Variants in FAM111B observed in about 807,000 individuals in gnomAD.
FAM111B encodes serine protease FAM111B.
FAM111B carries 1 observed loss-of-function variant against 2.8 expected under a neutral mutation model. The observed-to-expected ratio is 0.36, with a 90% CI of 0.13 to 1.70. The LOEUF is 1.70. Among genes scored for constraint, FAM111B ranks in the 40% most tolerant of loss-of-function variants. FAM111B has a pLI of 0.35. For missense variants in FAM111B, 882 were observed against 878.9 expected (o/e 1.00, Z -0.04); for synonymous variants, 297 against 295.6 (o/e 1.00, Z -0.05).
chr11:59,125,288 C>T lies in FAM111B; in HGVS notation c.1191C>T (p.Ala397=), dbSNP rs1439453564. 2.5e-6 allele frequency: 4 copies of T among 1,613,720 alleles called. No individual in the cohort carries two copies. Among genetic ancestry groups the T allele is most frequent in the Middle Eastern group, 3.3e-4 (2 of 6,082 alleles). The change falls in exon 4 of 4, where the codon GCC becomes GCT. Residue 397 remains alanine (A), a synonymous_variant. Coordinates refer to ENST00000343597, the MANE Select transcript of FAM111B (RefSeq NM_198947.4). ...AGAATTATCAAACGTTGAATGAAGC[C>T]ATAATGCATCAGTATCCGAATTTTA... The part of the protein sequence containing the change: ...LLKNYQTLNE[A]IMHQYPNFKE...
At position 59,125,701 on chromosome 11, in the gene FAM111B, G is replaced by A; in HGVS notation, c.1604G>A (p.Trp535Ter). The A allele has an allele frequency of 6.2e-7, 1 of 1,613,782 alleles. No individual in the cohort carries two copies. ...GACAATTGGTTTTCCATTGAGCCAT[G>A]GCTTAAAGTGTCCAATGAAAATCTA... ...TPDNWFSIEP[W>*]LKVSNENLDY... is the part of the protein sequence containing the mutation. The change falls in exon 4 of 4, where the codon TGG (tryptophan) becomes TAG (stop). Residue 535 changes from tryptophan to a stop codon, truncating the protein, a stop_gained. Coordinates refer to ENST00000343597, the MANE Select transcript of FAM111B (RefSeq NM_198947.4). LOFTEE classifies it low-confidence loss of function (END_TRUNC).
chr11:59,126,830 G>T lies in FAM111B; in HGVS notation c.*528G>T, dbSNP rs2154626. On this transcript the variant is annotated 3_prime_UTR_variant, in exon 4 of 4. Coordinates refer to ENST00000343597, the MANE Select transcript of FAM111B (RefSeq NM_198947.4). ...AGTTCAGCCATTGTGGAAAGCAGTTGGGTGATTTCTAAAAGAACTTAAAAC... is the reference window on the plus strand; with the variant it reads ...AGTTCAGCCATTGTGGAAAGCAGTTTGGTGATTTCTAAAAGAACTTAAAAC... 0.052 allele frequency: 8,291 copies of T among 160,348 alleles called. 563 individuals carry two copies. The highest frequency in any genetic ancestry group is 0.2 in the East Asian group (1,015 of 5,180). 9.9% of individuals were successfully genotyped at this position (160,348 alleles called of 1,614,324 possible). A position where few individuals can be genotyped will look rare whatever the true frequency, so the allele number is the denominator to read the frequency against.
intron 3 of FAM111B, among the ~76,000 whole-genome samples, chr11:59,123,225 A>G (rs2135402949): frequency 6.6e-6 from 1 of 152,346 alleles, no homozygotes; most frequent in Non-Finnish European, 1.5e-5. Context: ...GATCTTTCAA[A>G]TATCTAAAAG....
intron 3 of FAM111B, among the ~76,000 whole-genome samples, chr11:59,116,396 T>C (rs1859841329): frequency 6.6e-6 from 1 of 152,282 alleles, no homozygotes; most frequent in South Asian, 2.1e-4. Flanking sequence ...TCCAATAATT[T>C]ATTCTAATTT....
chr11:59,116,874 C>T (rs1464979258), intron 3 of FAM111B, among the ~76,000 whole-genome samples: 2 of 152,210 alleles, frequency 1.3e-5, no homozygotes, highest in Non-Finnish European at 1.5e-5. Context: ...CAGGTGGAGT[C>T]CTGGCTCTCC....
intron 3 of FAM111B, among the ~76,000 whole-genome samples, chr11:59,116,082 G>T (rs1859837364): frequency 6.6e-6 from 1 of 152,154 alleles, no homozygotes; most frequent in Non-Finnish European, 1.5e-5. Context: ...TGTGAATGTG[G>T]TCAATTCCTG....
At position 59,125,073 on chromosome 11, in the gene FAM111B, C is replaced by T. The variant is rs188002235; in HGVS notation, c.976C>T (p.Pro326Ser). The change falls in exon 4 of 4, where the codon CCA (proline) becomes TCA (serine). Residue 326 changes from proline to serine, a missense_variant. Pro to Ser is a moderately conservative substitution (Grantham distance 74, BLOSUM62 -1). Coordinates refer to ENST00000343597, the MANE Select transcript of FAM111B (RefSeq NM_198947.4). ...DVEHSREQIL[P>S]PQDLSHYIKD... ...AGAACACAGCAGAGAGCAAATTCTC[C>T]CACCTCAGGATCTAAGCCATTATAT... is the stretch of plus-strand genomic sequence containing the variant. The T allele has an allele frequency of 6.2e-7, 1 of 1,613,140 alleles. No homozygotes were observed. Among genetic ancestry groups the T allele is most frequent in the African/African-American group, 1.3e-5 (1 of 74,924 alleles).
At chr11:59,112,497 G>C (rs1452750538) in intron 3 of FAM111B, among the ~76,000 whole-genome samples, 1 of 152,176 alleles carries the variant, frequency 6.6e-6, no homozygotes. Flanking sequence ...ATGAAGATTA[G>C]TTTTCATTTC....
At chr11:59,107,569 C>G (rs1209367736) in intron 1 of FAM111B, among the ~76,000 whole-genome samples, 2 of 152,168 alleles carry the variant, frequency 1.3e-5, no homozygotes, top group Non-Finnish European at 2.9e-5. Context: ...CCGTTCGCGC[C>G]CATAGAAGGA....
chr11:59,114,590 C>T (rs946192404), intron 3 of FAM111B, among the ~76,000 whole-genome samples: 8 of 152,168 alleles, frequency 5.3e-5, no homozygotes, highest in Admixed American at 1.3e-4. Context: ...ACAGGAACTT[C>T]GCCTTTTTCT....
In FAM111B at chr11:59,125,208, G is replaced by A; in HGVS notation, c.1111G>A (p.Gly371Ser). The change falls in exon 4 of 4, where the codon GGT becomes AGT. Residue 371 changes from glycine to serine, a missense_variant. Gly to Ser is a moderately conservative substitution (Grantham distance 56). Transcript: ENST00000343597. ...ACAAGTTAGACGGAGGCCGCATCTG[G>A]GTAGGCGGTATGCTATTAATCTGGA... Reference protein sequence around the residue: ...NSQVRRRPHLGRRYAINLDVQ... With the variant: ...NSQVRRRPHLSRRYAINLDVQ... 1.2e-6 allele frequency: 2 copies of A among 1,613,942 alleles called. No individual in the cohort carries two copies. The highest frequency in any genetic ancestry group is 1.7e-6 in the Non-Finnish European group (2 of 1,179,862).
In FAM111B at chr11:59,125,868, A is replaced by G; in HGVS notation, c.1771A>G (p.Thr591Ala). 2 of 1,613,924 alleles carry G rather than the reference A, an allele frequency of 1.2e-6. No individual in the cohort carries two copies. The highest frequency in any genetic ancestry group is 1.7e-6 in the Non-Finnish European group (2 of 1,179,854). ...CCAGATCAAGAAAATAGATGGTTGT[A>G]CTGTGATTCCTCTAAACGAACGATT... ...EGQIKKIDGC[T>A]VIPLNERLKK... The change falls in exon 4 of 4, where the codon ACT (threonine) becomes GCT (alanine). Residue 591 changes from threonine (T) to alanine (A), a missense_variant. Coordinates refer to ENST00000343597, the MANE Select transcript of FAM111B (RefSeq NM_198947.4).
Position 59,125,331 on chromosome 11 carries a change from G to C in FAM111B, c.1234G>C (p.Val412Leu). Residue 412 changes from valine to leucine, a missense_variant, in exon 4 of 4, where the codon GTA (valine) becomes CTA (leucine). Coordinates refer to ENST00000343597, the MANE Select transcript of FAM111B (RefSeq NM_198947.4). ...YPNFKEEAQWVRKYFREEQKR... is the reference protein window; with the variant it reads ...YPNFKEEAQWLRKYFREEQKR... ...GAATTTTAAAGAGGAGGCACAGTGGGTAAGAAAATATTTTCGGGAAGAACA... is the reference window on the plus strand; with the variant it reads ...GAATTTTAAAGAGGAGGCACAGTGGCTAAGAAAATATTTTCGGGAAGAACA... The C allele has an allele frequency of 6.2e-7, 1 of 1,613,914 alleles. No homozygotes were observed. The highest frequency in any genetic ancestry group is 8.5e-7 in the Non-Finnish European group (1 of 1,179,830).
chr11:59,122,933 T>C (rs1859946638), intron 3 of FAM111B, among the ~76,000 whole-genome samples: 1 of 152,198 alleles, frequency 6.6e-6, no homozygotes, highest in Admixed American at 6.5e-5. Flanking sequence ...TCTATTTATA[T>C]AGACTAGATC....
intron 3 of FAM111B, among the ~76,000 whole-genome samples, chr11:59,112,391 G>A (rs1859773671): frequency 6.6e-6 from 1 of 152,098 alleles, no homozygotes. Flanking sequence ...ATCAAAATCT[G>A]TTTATCCATT....
At position 59,126,057 on chromosome 11, in the gene FAM111B, G is replaced by T. The variant is rs1253270256; in HGVS notation, c.1960G>T (p.Val654Leu). 5 of 1,613,804 alleles carry T rather than the reference G, an allele frequency of 3.1e-6. No homozygotes were observed. The highest frequency in any genetic ancestry group is 4.2e-6 in the Non-Finnish European group (5 of 1,179,744). The change falls in exon 4 of 4, where the codon GTG (valine) becomes TTG (leucine). Residue 654 changes from valine to leucine, a missense_variant. Coordinates refer to ENST00000343597, the MANE Select transcript of FAM111B (RefSeq NM_198947.4). ...CFSDGSSGSP[V>L]FNASGKLVAL... ...CTCTGATGGGTCCTCAGGCTCCCCAGTGTTTAATGCATCTGGCAAATTGGT... is the reference window on the plus strand; with the variant it reads ...CTCTGATGGGTCCTCAGGCTCCCCATTGTTTAATGCATCTGGCAAATTGGT...
At chr11:59,122,905 T>G (rs1859946204) in intron 3 of FAM111B, among the ~76,000 whole-genome samples, 1 of 152,150 alleles carries the variant, frequency 6.6e-6, no homozygotes, top group African/African-American at 2.4e-5. Context: ...CTGATTTTAC[T>G]CTCTCCAGGC....
In FAM111B at chr11:59,109,390, C is replaced by A. The variant is rs76774285; in HGVS notation, c.-86-150C>A. The A allele has an allele frequency of 1.3e-3, 409 of 316,758 alleles. 7 individuals carry two copies. The East Asian group carries it at 0.019, about 15-fold the overall frequency. 19.6% of individuals were successfully genotyped at this position (316,758 alleles called of 1,614,324 possible). On this transcript the variant is annotated intron_variant, in intron 2 of 3. Coordinates refer to ENST00000343597, the MANE Select transcript of FAM111B (RefSeq NM_198947.4). The stretch of plus-strand genomic sequence containing the variant: ...GCCTGTTTCTCCTTCCTAAGATATG[C>A]CTTGGAAACTCCATACAGTAAGCTA...
chr11:59,111,657 C>T (rs890865566), intron 3 of FAM111B, among the ~76,000 whole-genome samples: 7 of 152,108 alleles, frequency 4.6e-5, no homozygotes, highest in African/African-American at 7.2e-5. Context: ...GTGTCAAGTA[C>T]TTAAGAACCA....
Sources: allele counts gnomAD v4.1 joint callset (sites outside exome capture counted in the v4.1 genomes callset), GRCh38; gene constraint gnomAD v4.1.1; transcripts MANE v1.5; gene names NCBI Gene and HGNC (gene_info 2026-07-23, HGNC 2026-07-21).